TYMP: variants seen among roughly 807,000 people sequenced by gnomAD.
TYMP encodes the protein thymidine phosphorylase.
Under a neutral mutation model 42.3 loss-of-function variants are expected in TYMP, and 46 were observed. That is an observed-to-expected ratio of 1.09 (90% CI 0.86 to 1.39). The LOEUF is 1.39. Among genes scored for constraint, TYMP ranks in the 40% most tolerant of loss-of-function variants. The pLI is 0.00. For missense variants in TYMP, 837 were observed against 677.6 expected (o/e 1.24, Z -2.61); for synonymous variants, 363 against 308.0 (o/e 1.18, Z -1.87).
At position 50,526,232 on chromosome 22, in the gene TYMP, C is replaced by A. The variant is rs778577134; in HGVS notation, c.1159+14G>T. On this transcript the variant is annotated intron_variant, in intron 8 of 9. Coordinates refer to ENST00000252029, the MANE Select transcript of TYMP (RefSeq NM_001953.5). ...TGGCGGAGGCGGAAGGACGGGGACT[C>A]CCCCGACGCTCACCATCTGCGGGCG... The A allele has an allele frequency of 2.6e-5, 39 of 1,527,152 alleles. No individual in the cohort carries two copies. Among genetic ancestry groups the A allele is most frequent in the African/African-American group, 1.3e-4 (9 of 70,212 alleles). The allele number at this position is 1,527,152 out of a possible 1,614,324, so 94.6% of individuals were successfully genotyped here. A position where few individuals can be genotyped will look rare whatever the true frequency, so the allele number is the denominator to read the frequency against.
upstream of TYMP, chr22:50,530,069 G>C: frequency 3.0e-6 from 1 of 331,550 alleles, no homozygotes; most frequent in Non-Finnish European, 5.5e-6. Context: ...CGCCTGGAGG[G>C]CGGAGCTCGG....
intron 4 of TYMP, 69 bp from the exon 5 acceptor site, chr22:50,527,786 TTTTTTC>T: frequency 6.5e-7 from 1 of 1,550,112 alleles, no homozygotes; most frequent in Non-Finnish European, 8.8e-7. Context: ...TTTTTTTTTT[TTTTTTC>T]TGTGAAGAGT....
rs776542745 is a variant in TYMP, at chr22:50,526,231, TC to T, written c.1159+14del. ...ATGGCGGAGGCGGAAGGACGGGGAC[TC>T]CCCCGACGCTCACCATCTGCGGGCG... On this transcript the variant is annotated intron_variant, in intron 8 of 9. Coordinates refer to ENST00000252029, the MANE Select transcript of TYMP (RefSeq NM_001953.5). 3 of 1,522,510 alleles carry T rather than the reference TC, an allele frequency of 2.0e-6. No individual in the cohort carries two copies. Among genetic ancestry groups the T allele is most frequent in the Middle Eastern group, 1.8e-4 (1 of 5,604 alleles). 94.3% of individuals were successfully genotyped at this position (1,522,510 alleles called of 1,614,324 possible).
At chr22:50,527,560 G>A (rs2069439084) in intron 5 of TYMP, 28 bp downstream of exon 5, 2 of 1,613,914 alleles carry the variant, frequency 1.2e-6, no homozygotes, top group East Asian at 4.5e-5. Flanking sequence ...CTGTGAACAT[G>A]CAGAAGCAGG....
intron 9 of TYMP, 38 bp from the exon 10 acceptor site, chr22:50,525,956 A>G (rs2069342148): frequency 2.1e-6 from 3 of 1,398,578 alleles, no homozygotes; most frequent in Non-Finnish European, 2.8e-6. Context: ...GCGCGGCCGG[A>G]GCTGGGCGGG....
chr22:50,529,524 C>T lies in TYMP; in HGVS notation c.186G>A (p.Val62=). ...ADIRGFVAAV[V]NGSAQGAQIG... is the part of the protein sequence containing the mutation. ...TCTGTGCGCCCTGCGCGCTCCCATT[C>T]ACCACAGCGGCCACGAAGCCCCTGA... Residue 62 remains valine (V), a synonymous_variant, in exon 2 of 10, where the codon GTG becomes GTA. Coordinates refer to ENST00000252029, the MANE Select transcript of TYMP (RefSeq NM_001953.5). 1 of 1,613,050 alleles carries T rather than the reference C, an allele frequency of 6.2e-7. No individual in the cohort carries two copies. The highest frequency in any genetic ancestry group is 8.5e-7 in the Non-Finnish European group (1 of 1,179,936).
In TYMP at chr22:50,525,829, G is replaced by A; in HGVS notation, c.1390C>T (p.Arg464Cys). Reference sequence around the variant, plus strand: ...GGCGAGGGGGCGGCGAATGGCGCGCGGTCGGAGAGTACGAGCGCCTCCTGC... The same window carrying A: ...GGCGAGGGGGCGGCGAATGGCGCGCAGTCGGAGAGTACGAGCGCCTCCTGC... The part of the protein sequence containing the change: ...ALQEALVLSD[R>C]APFAAPSPFA... The change falls in exon 10 of 10, where the codon CGC (arginine) becomes TGC (cysteine). Residue 464 changes from arginine to cysteine, a missense_variant. Coordinates refer to ENST00000252029, the MANE Select transcript of TYMP (RefSeq NM_001953.5). 6.2e-7 allele frequency: 1 copy of A among 1,609,610 alleles called. No individual in the cohort carries two copies. Among genetic ancestry groups the A allele is most frequent in the African/African-American group, 1.3e-5 (1 of 74,948 alleles).
chr22:50,528,965 C>A, intron 3 of TYMP, 171 bp downstream of exon 3: 1 of 758,648 alleles, frequency 1.3e-6, no homozygotes. Context: ...GCCCCAAGCG[C>A]TGTGCTGGGG....
rs1488026375 is a variant in TYMP, at chr22:50,526,565, G to GT, written c.928+10dup. ...CGCCGCCTCCGCTCCCCTACACCCC[G>GT]TCCCCCTCACCGAGCGTGGTGACCA... On this transcript the variant is annotated intron_variant, in intron 7 of 9. Transcript: ENST00000252029. 8.0e-6 allele frequency: 12 copies of GT among 1,502,984 alleles called. No individual in the cohort carries two copies. Among genetic ancestry groups the GT allele is most frequent in the Non-Finnish European group, 1.1e-5 (12 of 1,111,128 alleles). 93.1% of individuals were successfully genotyped at this position (1,502,984 alleles called of 1,614,324 possible). A position where few individuals can be genotyped will look rare whatever the true frequency, so the allele number is the denominator to read the frequency against.
At position 50,525,811 on chromosome 22, in the gene TYMP, G is replaced by C. The variant is rs780184960; in HGVS notation, c.1408C>G (p.Pro470Ala). Residue 470 changes from proline (P) to alanine (A), a missense_variant, in exon 10 of 10, where the codon CCC becomes GCC. Coordinates refer to ENST00000252029, the MANE Select transcript of TYMP (RefSeq NM_001953.5). Reference protein sequence around the residue: ...VLSDRAPFAAPSPFAELVLPP... With the variant: ...VLSDRAPFAAASPFAELVLPP... ...AGAACGAGCTCTGCGAAGGGCGAGG[G>C]GGCGGCGAATGGCGCGCGGTCGGAG... The C allele has an allele frequency of 1.3e-5, 21 of 1,610,490 alleles. No individual in the cohort carries two copies. The highest frequency in any genetic ancestry group is 1.7e-5 in the Non-Finnish European group (20 of 1,178,996).
intron 1 of TYMP, 63 bp from the exon 2 acceptor site, chr22:50,529,782 G>T: frequency 4.9e-6 from 7 of 1,420,800 alleles, no homozygotes; most frequent in Non-Finnish European, 6.7e-6. Context: ...TGAGCCACGT[G>T]CTCCTGTCCC....
chr22:50,528,832 G>A, intron 3 of TYMP: 4 of 621,500 alleles, frequency 6.4e-6, no homozygotes, highest in Non-Finnish European at 1.2e-5. Flanking sequence ...GCTTGGGGCA[G>A]AGGGAGGAAA....
intron 4 of TYMP, 54 bp downstream of exon 4, chr22:50,528,458 G>A: frequency 6.9e-7 from 1 of 1,456,238 alleles, no homozygotes; most frequent in Non-Finnish European, 9.6e-7. Context: ...AGTGATTCTG[G>A]CCAGGGTCTC....
chr22:50,529,447 G>A lies in TYMP; in HGVS notation c.214+49C>T, dbSNP rs367564873. On this transcript the variant is annotated intron_variant, in intron 2 of 9. Coordinates refer to ENST00000252029, the MANE Select transcript of TYMP (RefSeq NM_001953.5). The stretch of plus-strand genomic sequence containing the variant: ...CACCCCCAGGGACCCAAAGTCTCTC[G>A]GGCTGACCTCCCAGTCGGGGTCAGG... The A allele has an allele frequency of 3.7e-6, 6 of 1,608,430 alleles. No individual in the cohort carries two copies. In the African/African-American group the frequency reaches 8.0e-5, roughly 21 times the overall value.
At chr22:50,528,107 G>T in intron 4 of TYMP, 1 of 389,868 alleles carries the variant, frequency 2.6e-6, no homozygotes, top group South Asian at 2.2e-5. Context: ...GACCTCCCAG[G>T]CTCAAGTGAT....
Position 50,525,754 on chromosome 22 carries a change from T to C in TYMP, c.*16A>G. On this transcript the variant is annotated 3_prime_UTR_variant, in exon 10 of 10. Transcript: ENST00000252029. ...CTCCCGCCCAAGCACTGACAAGGTT[T>C]CGCGGCAAAGGAGCTTTATTGCTGC... The C allele has an allele frequency of 6.2e-7, 1 of 1,609,446 alleles. No homozygotes were observed. The highest frequency in any genetic ancestry group is 8.5e-7 in the Non-Finnish European group (1 of 1,178,310).
Position 50,527,673 on chromosome 22 carries a change from C to CTGACCCGCTG in TYMP, c.560_561insCAGCGGGTCA (p.Gln187HisfsTer6). On this transcript the variant is annotated frameshift_variant, in exon 5 of 10. Coordinates refer to ENST00000252029, the MANE Select transcript of TYMP (RefSeq NM_001953.5). LOFTEE classifies it high-confidence loss of function. ...CGTCCGCAGGAACCAGCTGCTCACT[C>CTGACCCGCTG]TGACCCACGATACAGCAGCCCGCCT... is the stretch of plus-strand genomic sequence containing the variant. 6.2e-7 allele frequency: 1 copy of CTGACCCGCTG among 1,613,948 alleles called. No individual in the cohort carries two copies. The highest frequency in any genetic ancestry group is 8.5e-7 in the Non-Finnish European group (1 of 1,180,038).
chr22:50,529,637 C>G lies in TYMP; in HGVS notation c.73G>C (p.Gly25Arg). Residue 25 changes from glycine to arginine, a missense_variant, in exon 2 of 10, where the codon GGA (glycine) becomes CGA (arginine). By Grantham distance (125) the Gly-to-Arg change is moderately radical. Coordinates refer to ENST00000252029, the MANE Select transcript of TYMP (RefSeq NM_001953.5). ...GGCTCTGGCGAAGGGTCGGGAAGTC[C>G]CTGGCTCCCTTCCCCGGAGAAGTCA... ...PGDFSGEGSQ[G>R]LPDPSPEPKQ... is the part of the protein sequence containing the mutation. 1 of 1,612,590 alleles carries G rather than the reference C, an allele frequency of 6.2e-7. No individual in the cohort carries two copies. The highest frequency in any genetic ancestry group is 8.5e-7 in the Non-Finnish European group (1 of 1,179,760).
At position 50,529,185 on chromosome 22, in the gene TYMP, T is replaced by C. The variant is rs1452194925; in HGVS notation, c.368A>G (p.Asp123Gly). ...VDKHSTGGVG[D>G]KVSLVLAPAL... is the part of the protein sequence containing the mutation. Reference sequence around the variant, plus strand: ...AGGTGCGAGGACCAGGCTGACCTTGTCACCCACACCCCCTGTGGAATGCTT... The same window carrying C: ...AGGTGCGAGGACCAGGCTGACCTTGCCACCCACACCCCCTGTGGAATGCTT... Residue 123 changes from aspartate (D) to glycine (G), a missense_variant, in exon 3 of 10, where the codon GAC (aspartate) becomes GGC (glycine). Asp to Gly is a moderately conservative substitution (Grantham distance 94, BLOSUM62 -1). Transcript: ENST00000252029. 6.2e-7 allele frequency: 1 copy of C among 1,613,170 alleles called. No homozygotes were observed. The highest frequency in any genetic ancestry group is 8.5e-7 in the Non-Finnish European group (1 of 1,180,014).
Sources: allele counts gnomAD v4.1 joint callset, GRCh38; gene constraint gnomAD v4.1.1; transcripts MANE v1.5; gene names NCBI Gene and HGNC (gene_info 2026-07-23, HGNC 2026-07-21).